BTG4: variants seen among roughly 807,000 people sequenced by gnomAD.
BTG4 encodes the protein BTG anti-proliferation factor 4, also known as protein BTG4.
BTG4 carries 10 observed loss-of-function variants against 19.3 expected under a neutral mutation model. That is an observed-to-expected ratio of 0.52 (90% CI 0.32 to 0.88). BTG4 has a LOEUF of 0.88. Ranked by LOEUF, BTG4 falls within the 40% of genes least tolerant of loss-of-function variation. The pLI is 0.04. For synonymous variants in BTG4, 91 were observed against 95.7 expected, an observed-to-expected ratio of 0.95 and a Z score of 0.29; for missense variants, 238 against 281.9, an observed-to-expected ratio of 0.84 and a Z score of 1.11.
At chr11:111,426,138 G>A in the BTG4 span, among the ~76,000 whole-genome samples, 1 of 152,184 alleles carries the variant, frequency 6.6e-6, no homozygotes, top group Non-Finnish European at 1.5e-5. Context: ...AGCACAGCGG[G>A]ACAAGGAGGA....
At chr11:111,387,435 T>C in the BTG4 span, among the ~76,000 whole-genome samples, 6 of 152,214 alleles carry the variant, frequency 3.9e-5, no homozygotes, top group Non-Finnish European at 8.8e-5. Context: ...GAAATCATAT[T>C]CATGTGATCA....
chr11:111,431,010 T>C, the BTG4 span, among the ~76,000 whole-genome samples: 1 of 152,222 alleles, frequency 6.6e-6, no homozygotes, highest in South Asian at 2.1e-4. Context: ...TGGTCTCACA[T>C]ACAGTGACTA....
intron 5 of BTG4, among the ~76,000 whole-genome samples, chr11:111,470,778 C>A (rs1051073122): frequency 1.3e-4 from 19 of 151,880 alleles, no homozygotes; most frequent in African/African-American, 4.6e-4. Context: ...AATAAATTAG[C>A]CGGGCATGGT....
the BTG4 span, among the ~76,000 whole-genome samples, chr11:111,423,039 G>T: frequency 7.2e-5 from 11 of 152,044 alleles, no homozygotes; most frequent in African/African-American, 2.7e-4. Flanking sequence ...TCCAGGTGGG[G>T]ACCCTGTAGC....
chr11:111,497,057 G>A (rs1417507075), intron 4 of BTG4, 154 bp downstream of exon 4: 8 of 646,302 alleles, frequency 1.2e-5, no homozygotes, highest in Non-Finnish European at 2.0e-5. Flanking sequence ...GAAGGAGACA[G>A]AAAAAGTTTT....
the BTG4 span, among the ~76,000 whole-genome samples, chr11:111,392,582 C>T: frequency 1.3e-5 from 2 of 152,226 alleles, no homozygotes; most frequent in Admixed American, 6.5e-5. Flanking sequence ...TAACAAATTC[C>T]GAGGTGATGC....
chr11:111,387,370 T>A, the BTG4 span, among the ~76,000 whole-genome samples: 29 of 152,316 alleles, frequency 1.9e-4, no homozygotes, highest in African/African-American at 7.0e-4. Context: ...TCATTGGAAT[T>A]TTAGTTTTAT....
the BTG4 span, among the ~76,000 whole-genome samples, chr11:111,386,564 T>A: frequency 6.6e-6 from 1 of 152,168 alleles, no homozygotes; most frequent in Non-Finnish European, 1.5e-5. Flanking sequence ...ACCAGGGTGA[T>A]TTTAAAGGAG....
At chr11:111,397,947 G>C in the BTG4 span, 2 of 152,110 alleles carry the variant, frequency 1.3e-5, no homozygotes, top group Admixed American at 6.6e-5. Flanking sequence ...CTCTAATTCA[G>C]TGTAATTTCT....
At chr11:111,452,811 C>T in the BTG4 span, among the ~76,000 whole-genome samples, 1 of 152,158 alleles carries the variant, frequency 6.6e-6, no homozygotes, top group Admixed American at 6.5e-5. Context: ...GACTGTTCTC[C>T]CTGGAGAGGG....
chr11:111,437,676 G>A, the BTG4 span, among the ~76,000 whole-genome samples: 6 of 152,002 alleles, frequency 3.9e-5, no homozygotes, highest in Non-Finnish European at 8.8e-5. Context: ...ACCCCCACCT[G>A]TATCCCCATT....
chr11:111,459,942 G>A, the BTG4 span: 1 of 152,102 alleles, frequency 6.6e-6, no homozygotes, highest in Non-Finnish European at 1.5e-5. Context: ...AAAATTAAAG[G>A]TGCCCAAAGA....
At chr11:111,511,836 C>T (rs528737442) in intron 1 of BTG4, among the ~76,000 whole-genome samples, 64 of 152,318 alleles carry the variant, frequency 4.2e-4, no homozygotes, top group Admixed American at 1.6e-3. Flanking sequence ...CTTCTTTGAC[C>T]TATTACAGCT....
At chr11:111,488,608 C>T (rs1865208639) in intron 5 of BTG4, among the ~76,000 whole-genome samples, 2 of 152,174 alleles carry the variant, frequency 1.3e-5, no homozygotes, top group African/African-American at 4.8e-5. Flanking sequence ...GATCACATCT[C>T]GCTAAAAAGC....
At chr11:111,502,323 T>A (rs76080351) in intron 1 of BTG4, among the ~76,000 whole-genome samples, 3,728 of 152,264 alleles carry the variant, frequency 0.024, 84 homozygotes, top group Middle Eastern at 0.085. Context: ...TCAGGATTTT[T>A]AAAAGTTCCC....
chr11:111,397,228 T>C, the BTG4 span, among the ~76,000 whole-genome samples: 1 of 152,226 alleles, frequency 6.6e-6, no homozygotes, highest in Non-Finnish European at 1.5e-5. Context: ...TTATGTTTTA[T>C]GCAAATCTCT....
the BTG4 span, among the ~76,000 whole-genome samples, chr11:111,389,984 A>G: frequency 6.6e-6 from 1 of 152,346 alleles, no homozygotes; most frequent in Non-Finnish European, 1.5e-5. Context: ...TACTTTACAC[A>G]TATTAGTTCA....
chr11:111,464,015 G>T (rs1297435887), downstream of BTG4, among the ~76,000 whole-genome samples: 1 of 152,134 alleles, frequency 6.6e-6, no homozygotes, highest in Non-Finnish European at 1.5e-5. Flanking sequence ...GTCTTTTTTT[G>T]AGATGGAGTC....
At position 111,499,812 on chromosome 11, in the gene BTG4, C is replaced by A. The variant is rs77592882; in HGVS notation, c.-26-1010G>T. On this transcript the variant is annotated intron_variant, in intron 1 of 4. Coordinates refer to ENST00000692032, the MANE Select transcript of BTG4 (RefSeq NM_001367975.1). ...CAGTTCTCAAAGGGCGGGTCAGTGA[C>A]CATGTGATCTGGACTCACTGTGTTT... Among the ~76,000 whole-genome samples the A allele has an allele frequency of 9.4e-3, 1,428 of 152,200 alleles. 18 individuals carry two copies. Among genetic ancestry groups the A allele is most frequent in the African/African-American group, 0.033 (1,356 of 41,522 alleles).
Sources: gnomAD v4.1 joint callset for allele counts (sites outside exome capture counted in the v4.1 genomes callset) on GRCh38, gnomAD v4.1.1 for gene constraint, MANE v1.5 for transcripts, NCBI Gene and HGNC (gene_info 2026-07-23, HGNC 2026-07-21) for gene names.